The following ADGRB1 variants were observed in gnomAD, a reference collection of about 807,000 sequenced individuals.
The protein encoded by ADGRB1 is brain-specific angiogenesis inhibitor 1.
Under a neutral mutation model 175.7 loss-of-function variants are expected in ADGRB1, and 36 were observed. The observed-to-expected ratio is 0.20, with a 90% CI of 0.16 to 0.27. The LOEUF (loss-of-function observed/expected upper bound fraction) is 0.27. Ranked by LOEUF, ADGRB1 falls within the 10% of genes least tolerant of loss-of-function variation. The probability of loss-of-function intolerance (pLI) is 1.00; values close to 1 mark genes in which losing one functional copy is unlikely to be tolerated. For synonymous variants in ADGRB1, 1,054 were observed against 979.4 expected, an observed-to-expected ratio of 1.08 and a Z score of -1.42; for missense variants, 1,731 against 2,255.3, an observed-to-expected ratio of 0.77 and a Z score of 4.71.
At chr8:142,538,307 C>A (rs768374662) in intron 26 of ADGRB1, among the ~76,000 whole-genome samples, 14 of 152,216 alleles carry the variant, frequency 9.2e-5, no homozygotes, top group Non-Finnish European at 1.8e-4. Flanking sequence ...AGGGCCTCAG[C>A]AGATGGCATG....
chr8:142,541,207 G>T (rs1031913062), intron 27 of ADGRB1, among the ~76,000 whole-genome samples: 3 of 152,096 alleles, frequency 2.0e-5, no homozygotes, highest in Admixed American at 6.5e-5. Flanking sequence ...TCAGGGGCAG[G>T]CGGCTGGGTC....
intron 2 of ADGRB1, among the ~76,000 whole-genome samples, 179 bp from the exon 3 acceptor site, chr8:142,475,295 G>A (rs974499863): frequency 2.6e-5 from 4 of 152,232 alleles, no homozygotes; most frequent in African/African-American, 4.8e-5. Context: ...GCTCTCCAGA[G>A]GGGGCCCGGG....
Position 142,542,559 on chromosome 8 carries a change from C to A in ADGRB1, c.4325C>A (p.Pro1442His). ...LEPAPPSLGD[P>H]GEPAAHPGPS... Reference sequence around the variant, plus strand: ...CCGGCACCCCCCAGCCTGGGGGATCCCGGGGAGCCTGCCGCCCATCCGGGA... The same window carrying A: ...CCGGCACCCCCCAGCCTGGGGGATCACGGGGAGCCTGCCGCCCATCCGGGA... Residue 1442 changes from proline to histidine, a missense_variant, in exon 28 of 31, where the codon CCC (proline) becomes CAC (histidine). Pro to His is a moderately conservative substitution (Grantham distance 77). This residue lies in a region of ADGRB1 where 394 missense variants were observed against 410.2 expected (regional missense o/e 0.96). Transcript: ENST00000517894. The surrounding 1 kb of genome is among the most constrained non-coding windows in gnomAD (Gnocchi z 6.3). The A allele has an allele frequency of 1.3e-6, 2 of 1,527,428 alleles. No individual in the cohort carries two copies. The highest frequency in any genetic ancestry group is 8.8e-7 in the Non-Finnish European group (1 of 1,137,706). The allele number at this position is 1,527,428 out of a possible 1,614,324, so 94.6% of individuals were successfully genotyped here.
chr8:142,452,063 C>T (rs1054934119), intron 1 of ADGRB1, among the ~76,000 whole-genome samples: 3 of 152,192 alleles, frequency 2.0e-5, no homozygotes, highest in Admixed American at 6.5e-5. Context: ...CAGTCCCGCT[C>T]GCCTGCCGCC....
Position 142,476,625 on chromosome 8 carries a change from C to T in ADGRB1, c.987C>T (p.Ser329=). ...GCTCCCGGAGCCAGTCCCTGCGGTC[C>T]ACAGATGCCCGGCGGCGCGAGGAGC... ...RTSSRSQSLR[S]TDARRREELG... Residue 329 remains serine (S), a synonymous_variant, in exon 4 of 31, where the codon TCC becomes TCT. Coordinates refer to ENST00000517894, the MANE Select transcript of ADGRB1 (RefSeq NM_001702.3). The T allele has an allele frequency of 6.5e-7, 1 of 1,548,812 alleles. No individual in the cohort carries two copies. Among genetic ancestry groups the T allele is most frequent in the East Asian group, 2.4e-5 (1 of 40,902 alleles).
At position 142,542,420 on chromosome 8, in the gene ADGRB1, C is replaced by T. The variant is rs763182552; in HGVS notation, c.4186C>T (p.Arg1396Cys). The change falls in exon 28 of 31, where the codon CGC becomes TGC. Residue 1396 changes from arginine to cysteine, a missense_variant. By Grantham distance (180) the Arg-to-Cys change is radical. This residue lies in a region of ADGRB1 where 394 missense variants were observed against 410.2 expected (regional missense o/e 0.96). Coordinates refer to ENST00000517894, the MANE Select transcript of ADGRB1 (RefSeq NM_001702.3). The surrounding 1 kb of genome is among the most constrained non-coding windows in gnomAD (Gnocchi z 6.3). ...ASLPARSPPS[R>C]QPPSGGPPEA... ...CCTCCCCGCCCGCAGCCCGCCCTCC[C>T]GCCAGCCCCCCAGCGGCGGGCCCCC... The T allele has an allele frequency of 1.8e-5, 27 of 1,536,590 alleles. No homozygotes were observed. Among genetic ancestry groups the T allele is most frequent in the Admixed American group, 9.9e-5 (5 of 50,468 alleles).
chr8:142,469,377 ATG>A (rs1463507703), intron 2 of ADGRB1, among the ~76,000 whole-genome samples: 3 of 140,910 alleles, frequency 2.1e-5, no homozygotes, highest in South Asian at 2.3e-4. Flanking sequence ...ATGTGTGTGA[ATG>A]TGGGAGTGTG....
chr8:142,539,784 C>T (rs1402802835), intron 27 of ADGRB1: 5 of 345,210 alleles, frequency 1.4e-5, no homozygotes, highest in Non-Finnish European at 2.7e-5. Flanking sequence ...AGTGCCGCTC[C>T]CCCCCCCTGC....
intron 17 of ADGRB1, among the ~76,000 whole-genome samples, chr8:142,494,997 G>A (rs1247439562): frequency 1.3e-5 from 2 of 152,128 alleles, no homozygotes; most frequent in Admixed American, 6.6e-5. Flanking sequence ...GGGGTGGAGG[G>A]CGGGGACAGT....
At chr8:142,465,445 G>A (rs1184024695) in intron 2 of ADGRB1, among the ~76,000 whole-genome samples, 1 of 152,100 alleles carries the variant, frequency 6.6e-6, no homozygotes, top group African/African-American at 2.4e-5. Flanking sequence ...CTGGATGATG[G>A]TCCTGGGGAC....
At position 142,542,114 on chromosome 8, in the gene ADGRB1, T is replaced by C; in HGVS notation, c.3880T>C (p.Tyr1294His). The change falls in exon 28 of 31, where the codon TAT (tyrosine) becomes CAT (histidine). Residue 1294 changes from tyrosine to histidine, a missense_variant. By Grantham distance (83) the Tyr-to-His change is moderately conservative. Coordinates refer to ENST00000517894, the MANE Select transcript of ADGRB1 (RefSeq NM_001702.3). The surrounding 1 kb of genome is among the most constrained non-coding windows in gnomAD (Gnocchi z 6.3). The stretch of plus-strand genomic sequence containing the variant: ...GCTGCACCTGCACGGCTCACCCCGC[T>C]ATCCCGGCGGGCCCCTGCCCGACTT... ...SKLHLHGSPRYPGGPLPDFPN... is the reference protein window; with the variant it reads ...SKLHLHGSPRHPGGPLPDFPN... The C allele has an allele frequency of 6.2e-7, 1 of 1,613,440 alleles. No homozygotes were observed.
chr8:142,520,617 T>C (rs1396333385), intron 19 of ADGRB1, among the ~76,000 whole-genome samples: 1 of 151,710 alleles, frequency 6.6e-6, no homozygotes, highest in Non-Finnish European at 1.5e-5. Context: ...ATGGTTGTGT[T>C]GGTGATGGTG....
intron 17 of ADGRB1, among the ~76,000 whole-genome samples, chr8:142,491,621 G>A (rs1354701484): frequency 6.6e-6 from 1 of 152,214 alleles, no homozygotes; most frequent in African/African-American, 2.4e-5. Flanking sequence ...GGTCCTCAGT[G>A]TGTGGTCGGG....
rs1201241333 is a variant in ADGRB1, at chr8:142,537,702, G to A, written c.3666+620G>A. Among the ~76,000 whole-genome samples, 4 of 152,052 alleles carry A rather than the reference G, an allele frequency of 2.6e-5. No homozygotes were observed. The highest frequency in any genetic ancestry group is 4.4e-5 in the Non-Finnish European group (3 of 68,000). ...TGTTCTGCACCCCCCGCCCCTGCCT[G>A]TGCCTGCGCCTGTCCTCTTTACAGC... On this transcript the variant is annotated intron_variant, in intron 26 of 30. Transcript: ENST00000517894. This position sits in a 1 kb window ranked among gnomAD's most constrained non-coding sequence, Gnocchi z 4.6.
Position 142,522,135 on chromosome 8 carries a change from A to AC in ADGRB1, c.3175+23dup. On this transcript the variant is annotated intron_variant, in intron 21 of 30. Transcript: ENST00000517894. ...GCTGGGGTGAGCCGCGGCCTTCCCGACCCTCCTGGACAGATACCCTTCCTC... is the reference window on the plus strand; with the variant it reads ...GCTGGGGTGAGCCGCGGCCTTCCCGACCCCTCCTGGACAGATACCCTTCCTC... The AC allele has an allele frequency of 6.3e-7, 1 of 1,599,906 alleles. No individual in the cohort carries two copies. Among genetic ancestry groups the AC allele is most frequent in the Non-Finnish European group, 8.5e-7 (1 of 1,176,558 alleles).
In ADGRB1 at chr8:142,478,181, C is replaced by T. The variant is rs1442747556; in HGVS notation, c.1388-6C>T. The T allele has an allele frequency of 6.3e-7, 1 of 1,599,148 alleles. No individual in the cohort carries two copies. The highest frequency in any genetic ancestry group is 1.3e-5 in the African/African-American group (1 of 74,570). On this transcript the variant is annotated splice_polypyrimidine_tract_variant and splice_region_variant and intron_variant, in intron 6 of 30. Transcript: ENST00000517894. ...ACGCCCACTTTGTGTCTCCTTCCTC[C>T]CCCGGGCCGGGCAGTGGATGGAAAC... is the stretch of plus-strand genomic sequence containing the variant.
intron 17 of ADGRB1, among the ~76,000 whole-genome samples, chr8:142,498,716 C>A (rs191069571): frequency 2.0e-5 from 3 of 152,130 alleles, no homozygotes; most frequent in African/African-American, 7.2e-5. Context: ...GCTGCACCTC[C>A]CCTGCCTACC....
chr8:142,514,551 T>C (rs565827989), intron 18 of ADGRB1, among the ~76,000 whole-genome samples: 12 of 152,298 alleles, frequency 7.9e-5, no homozygotes, highest in African/African-American at 2.9e-4. Flanking sequence ...AGGACAGTTG[T>C]TGTTGGCATG....
At chr8:142,531,894 T>C (rs947072636) in intron 24 of ADGRB1, among the ~76,000 whole-genome samples, 2 of 152,002 alleles carry the variant, frequency 1.3e-5, no homozygotes, top group Admixed American at 6.5e-5. Context: ...GACACAGATA[T>C]CCCTTGGGGG....
Sources: gnomAD v4.1 joint callset for allele counts (sites outside exome capture counted in the v4.1 genomes callset) on GRCh38, gnomAD v4.1.1 for gene constraint, gnomAD v4.1.1 regional missense constraint, Gnocchi (gnomAD v3.1) non-coding constraint, MANE v1.5 for transcripts, NCBI Gene and HGNC (gene_info 2026-07-23, HGNC 2026-07-21) for gene names.